ARSB: variants seen among roughly 807,000 people sequenced by gnomAD.
ARSB encodes arylsulfatase B.
In ARSB, 41 loss-of-function variants were observed where a neutral mutation model predicts 50.9. The observed-to-expected ratio is 0.81, with a 90% CI of 0.63 to 1.04. The LOEUF (loss-of-function observed/expected upper bound fraction) is 1.04, where lower values mean the gene tolerates loss of function less well. ARSB is among the 50% of genes least tolerant of loss of function. ARSB has a pLI of 0.00. For missense variants in ARSB, 672 were observed against 693.3 expected, an observed-to-expected ratio of 0.97 and a Z score of 0.35; for synonymous variants, 269 against 284.8, an observed-to-expected ratio of 0.94 and a Z score of 0.56.
At chr5:78,944,253 C>T (rs10064655) in intron 4 of ARSB, among the ~76,000 whole-genome samples, 44,288 of 152,070 alleles carry the variant, frequency 0.29, 7,278 homozygotes, top group Non-Finnish European at 0.37. Flanking sequence ...GAAGTTTGAT[C>T]GTCTGAAGCC....
chr5:78,916,847 A>T (rs1749568956), intron 4 of ARSB, among the ~76,000 whole-genome samples: 1 of 144,634 alleles, frequency 6.9e-6, no homozygotes, highest in Non-Finnish European at 1.5e-5. Context: ...TTTCAATGTC[A>T]AACTTTAAAT....
chr5:78,865,868 G>A (rs1746692710), intron 5 of ARSB, among the ~76,000 whole-genome samples: 1 of 152,172 alleles, frequency 6.6e-6, no homozygotes, highest in Non-Finnish European at 1.5e-5. Flanking sequence ...CTTTGCTCCA[G>A]TTCCCAACAA....
Position 78,855,066 on chromosome 5 carries a change from C to T in ARSB, c.1143-15640G>A, listed in dbSNP as rs574125407. 2.7e-3 allele frequency among the ~76,000 whole-genome samples: 409 copies of T among 152,254 alleles called. 1 individual carries two copies. The highest frequency in any genetic ancestry group is 9.3e-3 in the African/African-American group (387 of 41,536). ...CAGCTCAGACTTCAGGAGGCTAGTA[C>T]AGCCCCAGGAAGGAAGGACACTAGA... On this transcript the variant is annotated intron_variant, in intron 5 of 7. Transcript: ENST00000264914.
intron 5 of ARSB, among the ~76,000 whole-genome samples, chr5:78,846,037 C>A (rs1446214562): frequency 6.6e-6 from 1 of 151,888 alleles, no homozygotes; most frequent in Non-Finnish European, 1.5e-5. Context: ...AGTCATTAAC[C>A]CATTTTGAGT....
intron 6 of ARSB, among the ~76,000 whole-genome samples, chr5:78,821,117 A>G (rs1003742767): frequency 6.6e-6 from 1 of 152,152 alleles, no homozygotes; most frequent in South Asian, 2.1e-4. Context: ...TAAGGGTCAT[A>G]GTGAACTTTG....
intron 4 of ARSB, among the ~76,000 whole-genome samples, chr5:78,886,591 A>T (rs1445481285): frequency 1.3e-5 from 2 of 152,210 alleles, no homozygotes; most frequent in African/African-American, 4.8e-5. Flanking sequence ...ACTGAAGTTA[A>T]GTATCTTCCC....
At chr5:78,934,924 A>G (rs1346569961) in intron 4 of ARSB, among the ~76,000 whole-genome samples, 1 of 152,170 alleles carries the variant, frequency 6.6e-6, no homozygotes, top group Non-Finnish European at 1.5e-5. Context: ...TGGCAAATAG[A>G]TTATATAATT....
intron 4 of ARSB, among the ~76,000 whole-genome samples, chr5:78,952,680 G>C (rs1751537469): frequency 6.6e-6 from 1 of 152,160 alleles, no homozygotes; most frequent in South Asian, 2.1e-4. Context: ...GAGCCACTTA[G>C]AGATATTTAA....
intron 5 of ARSB, among the ~76,000 whole-genome samples, chr5:78,878,161 T>C (rs1305158497): frequency 1.3e-5 from 2 of 152,168 alleles, no homozygotes; most frequent in South Asian, 2.1e-4. Flanking sequence ...AGCATGAATA[T>C]GTACATTGTT....
chr5:78,983,686 A>T (rs1753017854), intron 1 of ARSB, among the ~76,000 whole-genome samples: 1 of 152,174 alleles, frequency 6.6e-6, no homozygotes, highest in South Asian at 2.1e-4. Flanking sequence ...AACCTTGGCT[A>T]CAGCTATTTC....
intron 5 of ARSB, among the ~76,000 whole-genome samples, chr5:78,858,910 G>C (rs933938775): frequency 1.3e-5 from 2 of 152,142 alleles, no homozygotes; most frequent in African/African-American, 4.8e-5. Context: ...AGGATAGGTT[G>C]TTATTTGTTA....
chr5:78,831,907 A>G (rs1744711284), intron 6 of ARSB, among the ~76,000 whole-genome samples: 1 of 152,244 alleles, frequency 6.6e-6, no homozygotes, highest in Non-Finnish European at 1.5e-5. Flanking sequence ...AAATGCCTTG[A>G]AAATGATGTA....
At chr5:78,841,049 C>T (rs1745175491) in intron 5 of ARSB, among the ~76,000 whole-genome samples, 2 of 151,992 alleles carry the variant, frequency 1.3e-5, no homozygotes, top group Non-Finnish European at 2.9e-5. Context: ...AATCCCAGCA[C>T]TTTGGGAGGC....
intron 4 of ARSB, among the ~76,000 whole-genome samples, chr5:78,937,340 T>G (rs1750663257): frequency 7.2e-6 from 1 of 138,824 alleles, no homozygotes; most frequent in South Asian, 2.2e-4. Flanking sequence ...ATATGTAAGA[T>G]ATATATATCA....
chr5:78,941,222 A>T (rs1284496540), intron 4 of ARSB, among the ~76,000 whole-genome samples: 1 of 151,444 alleles, frequency 6.6e-6, no homozygotes, highest in East Asian at 1.9e-4. Context: ...CAATCATGTC[A>T]TCTGCAAACA....
chr5:78,981,616 G>A (rs935366504), intron 1 of ARSB, among the ~76,000 whole-genome samples: 2 of 152,220 alleles, frequency 1.3e-5, no homozygotes, highest in African/African-American at 4.8e-5. Flanking sequence ...GCTAGACAAA[G>A]TCTAGAGTTC....
At chr5:78,889,623 T>G (rs1225147776) in intron 4 of ARSB, among the ~76,000 whole-genome samples, 2 of 152,232 alleles carry the variant, frequency 1.3e-5, no homozygotes, top group Non-Finnish European at 2.9e-5. Context: ...AAATCTCACT[T>G]TATTATTCAC....
At chr5:78,975,487 T>C (rs936191231) in intron 1 of ARSB, among the ~76,000 whole-genome samples, 3 of 152,226 alleles carry the variant, frequency 2.0e-5, no homozygotes, top group Admixed American at 6.5e-5. Flanking sequence ...TTTGGATCCC[T>C]TAAGAATGAA....
chr5:78,927,613 G>A (rs964360360), intron 4 of ARSB, among the ~76,000 whole-genome samples: 1 of 152,180 alleles, frequency 6.6e-6, no homozygotes, highest in Admixed American at 6.5e-5. Context: ...AGATAGTAAA[G>A]AAAGGCTTAG....
Sources: allele counts gnomAD v4.1 joint callset (sites outside exome capture counted in the v4.1 genomes callset), GRCh38; gene constraint gnomAD v4.1.1; transcripts MANE v1.5; gene names NCBI Gene and HGNC (gene_info 2026-07-23, HGNC 2026-07-21).